Variants in NRG1 observed in about 807,000 individuals in gnomAD.
The protein encoded by NRG1 is neuregulin 1.
NRG1 carries 18 observed loss-of-function variants against 63.8 expected under a neutral mutation model. The observed-to-expected ratio is 0.28, with a 90% CI of 0.19 to 0.42. NRG1 has a LOEUF of 0.42. Ranked by LOEUF, NRG1 falls within the 10% of genes least tolerant of loss-of-function variation. The probability of loss-of-function intolerance (pLI) is 1.00; values close to 1 mark genes in which losing one functional copy is unlikely to be tolerated. For missense variants in NRG1, 762 were observed against 814.7 expected (o/e 0.94, Z 0.79); for synonymous variants, 302 against 301.3 (o/e 1.00, Z -0.02).
At chr8:32,222,423 A>G (rs1386250138) in intron 1 of NRG1, among the ~76,000 whole-genome samples, 2 of 152,114 alleles carry the variant, frequency 1.3e-5, no homozygotes, top group East Asian at 1.9e-4. Flanking sequence ...TATATTCACT[A>G]TATGCATGGT....
intron 1 of NRG1, among the ~76,000 whole-genome samples, chr8:32,582,681 G>T (rs556188628): frequency 1.3e-5 from 2 of 152,170 alleles, no homozygotes; most frequent in Non-Finnish European, 2.9e-5. Context: ...ATCAGAACCT[G>T]AGCCAACCTG....
intron 1 of NRG1, among the ~76,000 whole-genome samples, chr8:31,885,544 T>C (rs1158916004): frequency 2.6e-5 from 4 of 152,128 alleles, no homozygotes; most frequent in Admixed American, 2.6e-4. Context: ...CACAATTCTT[T>C]ATGAGAGAAG....
Position 32,616,978 on chromosome 8 carries a change from T to G in NRG1, c.502+93T>G. The G allele has an allele frequency of 6.4e-6, 6 of 938,208 alleles. No individual in the cohort carries two copies. The South Asian group carries it at 8.1e-5, about 13-fold the overall frequency. 58.1% of individuals were successfully genotyped at this position (938,208 alleles called of 1,614,324 possible). A position where few individuals can be genotyped will look rare whatever the true frequency, so the allele number is the denominator to read the frequency against. On this transcript the variant is annotated intron_variant, in intron 5 of 11. Transcript: ENST00000356819. ...GTTCACGTCTATCTTCTGCCCCTAT[T>G]AAGGGTCAGAGTATTGAGTTTGGCA...
intron 1 of NRG1, among the ~76,000 whole-genome samples, chr8:32,001,800 T>C (rs2129678033): frequency 6.6e-6 from 1 of 152,140 alleles, no homozygotes; most frequent in East Asian, 1.9e-4. Flanking sequence ...TAAAGTGCTA[T>C]GCATGATATC....
intron 5 of NRG1, among the ~76,000 whole-genome samples, chr8:32,674,324 T>G (rs2128901378): frequency 6.6e-6 from 1 of 152,300 alleles, no homozygotes; most frequent in South Asian, 2.1e-4. Context: ...TAACTGAAGC[T>G]CATTAGTCAA....
intron 5 of NRG1, among the ~76,000 whole-genome samples, chr8:32,691,614 C>T (rs537920532): frequency 6.6e-6 from 1 of 152,278 alleles, no homozygotes; most frequent in South Asian, 2.1e-4. Context: ...TATTGTGACA[C>T]ATTGAGCAAT....
At chr8:32,552,417 G>A (rs1478791961) in intron 1 of NRG1, among the ~76,000 whole-genome samples, 1 of 152,048 alleles carries the variant, frequency 6.6e-6, no homozygotes, top group Admixed American at 6.6e-5. Context: ...CTCCTGGTAG[G>A]AGGGGCATTT....
exon 12 of NRG1, chr8:32,764,971 T>G (rs903688089): frequency 6.6e-6 from 1 of 152,170 alleles, no homozygotes. Context: ...TACTATTAAA[T>G]ACAGCAAGAA....
chr8:32,648,238 C>G, intron 5 of NRG1: 1 of 1,614,032 alleles, frequency 6.2e-7, no homozygotes, highest in Non-Finnish European at 8.5e-7. Flanking sequence ...GCACCGACAC[C>G]GAAGAATCGT....
At chr8:32,344,602 A>ATTTTTTTTTTTT (rs61448713) in intron 1 of NRG1, among the ~76,000 whole-genome samples, 172 of 101,168 alleles carry the variant, frequency 1.7e-3, no homozygotes, top group East Asian at 3.1e-3. Context: ...ACACTCAGCT[A>ATTTTTTTTTTTT]TTTTTTTTTT....
At chr8:32,069,496 T>A (rs2131007408) in intron 1 of NRG1, among the ~76,000 whole-genome samples, 1 of 152,306 alleles carries the variant, frequency 6.6e-6, no homozygotes, top group East Asian at 1.9e-4. Context: ...TTTCTAGCAA[T>A]GGTTGATGAA....
intron 1 of NRG1, among the ~76,000 whole-genome samples, chr8:32,089,215 C>G (rs1828738993): frequency 6.6e-6 from 1 of 152,208 alleles, no homozygotes; most frequent in Non-Finnish European, 1.5e-5. Flanking sequence ...AACAGAACAG[C>G]TGCTGCAAAG....
chr8:31,842,780 C>A (rs1177804675), intron 1 of NRG1, among the ~76,000 whole-genome samples: 1 of 152,042 alleles, frequency 6.6e-6, no homozygotes, highest in East Asian at 1.9e-4. Context: ...TTAAGATATG[C>A]CCTTGATGTA....
chr8:31,775,620 G>A (rs1268467527), intron 1 of NRG1, among the ~76,000 whole-genome samples: 1 of 152,098 alleles, frequency 6.6e-6, no homozygotes. Context: ...GGGTGCGGTG[G>A]CTCACGCCTG....
chr8:32,329,583 C>G lies in NRG1; in HGVS notation c.38-266245C>G, dbSNP rs558181133. ...AAAGGCCGAGTCTAAGTTGATGGCTCTCAGTCCTGGTTCGTCACTGCTGTT... is the reference window on the plus strand; with the variant it reads ...AAAGGCCGAGTCTAAGTTGATGGCTGTCAGTCCTGGTTCGTCACTGCTGTT... On this transcript the variant is annotated intron_variant, in intron 1 of 10. Coordinates refer to the NRG1 transcript ENST00000519301. Among the ~76,000 whole-genome samples, 3 of 152,246 alleles carry G rather than the reference C, an allele frequency of 2.0e-5. No homozygotes were observed. In the East Asian group the frequency reaches 5.8e-4, roughly 29 times the overall value.
In NRG1 at chr8:32,416,848, G is replaced by A. The variant is rs548239232; in HGVS notation, c.38-178980G>A. 2.6e-5 allele frequency among the ~76,000 whole-genome samples: 4 copies of A among 152,058 alleles called. No homozygotes were observed. In the East Asian group the frequency reaches 7.8e-4, roughly 29 times the overall value. ...GACCACAGGTGCACCACCACGCTTGGCTAATTTTTGTATTTTTGGTAGAGA... is the reference window on the plus strand; with the variant it reads ...GACCACAGGTGCACCACCACGCTTGACTAATTTTTGTATTTTTGGTAGAGA... On this transcript the variant is annotated intron_variant, in intron 1 of 10. Coordinates refer to the NRG1 transcript ENST00000519301.
intron 1 of NRG1, among the ~76,000 whole-genome samples, chr8:32,555,753 G>A (rs1321883583): frequency 6.6e-6 from 1 of 152,204 alleles, no homozygotes; most frequent in Non-Finnish European, 1.5e-5. Context: ...TTACAGGCGT[G>A]AGCCACCGCG....
chr8:31,812,231 C>T (rs1822958176), intron 1 of NRG1, among the ~76,000 whole-genome samples: 1 of 152,178 alleles, frequency 6.6e-6, no homozygotes, highest in Non-Finnish European at 1.5e-5. Flanking sequence ...GTTTGAGAGG[C>T]TAGAACCGTG....
chr8:31,839,208 C>T (rs950116039), intron 1 of NRG1, among the ~76,000 whole-genome samples: 6 of 152,140 alleles, frequency 3.9e-5, no homozygotes, highest in African/African-American at 7.2e-5. Flanking sequence ...ATTCTCCTCC[C>T]ATTCTTGTTC....
Sources: allele counts gnomAD v4.1 joint callset (sites outside exome capture counted in the v4.1 genomes callset), GRCh38; gene constraint gnomAD v4.1.1; transcripts MANE v1.5; gene names NCBI Gene and HGNC (gene_info 2026-07-23, HGNC 2026-07-21).